Variants in AGFG2 observed in about 807,000 individuals in gnomAD.
AGFG2 encodes arf-GAP domain and FG repeat-containing protein 2.
In AGFG2, 31 loss-of-function variants were observed where a neutral mutation model predicts 48.0. The observed-to-expected ratio is 0.65, with a 90% confidence interval of 0.49 to 0.87. The LOEUF (loss-of-function observed/expected upper bound fraction) is 0.87, where lower values mean the gene tolerates loss of function less well. Ranked by LOEUF, AGFG2 falls within the 40% of genes least tolerant of loss-of-function variation. The pLI is 0.00. For missense variants in AGFG2, 599 were observed against 632.6 expected (o/e 0.95, Z 0.57); for synonymous variants, 229 against 260.8 (o/e 0.88, Z 1.18).
At chr7:100,560,930 G>A (rs1800856869) in intron 6 of AGFG2, among the ~76,000 whole-genome samples, 1 of 147,822 alleles carries the variant, frequency 6.8e-6, no homozygotes, top group South Asian at 2.1e-4. Context: ...TCCTGCCTCA[G>A]CCTCCTGAGT....
At chr7:100,551,756 G>A (rs1409615886) in intron 3 of AGFG2, among the ~76,000 whole-genome samples, 1 of 150,590 alleles carries the variant, frequency 6.6e-6, no homozygotes, top group African/African-American at 2.4e-5. Flanking sequence ...GTGTGGGGGT[G>A]GACACTTGTA....
Position 100,548,905 on chromosome 7 carries a change from G to T in AGFG2, c.305G>T (p.Arg102Leu). Reference protein sequence around the residue: ...TEPEVVFLQSRGNEVCRKIWL... With the variant: ...TEPEVVFLQSLGNEVCRKIWL... ...CCTGAAGTAGTATTCCTGCAATCCCGTGGAAATGAGGTGAGCTGCCACCGA... is the reference window on the plus strand; with the variant it reads ...CCTGAAGTAGTATTCCTGCAATCCCTTGGAAATGAGGTGAGCTGCCACCGA... Residue 102 changes from arginine (R) to leucine (L), a missense_variant, in exon 2 of 12, where the codon CGT becomes CTT. Transcript: ENST00000300176. 1 of 1,613,304 alleles carries T rather than the reference G, an allele frequency of 6.2e-7. No individual in the cohort carries two copies. The highest frequency in any genetic ancestry group is 8.5e-7 in the Non-Finnish European group (1 of 1,179,470).
intron 11 of AGFG2, 105 bp downstream of exon 11, chr7:100,564,408 G>A (rs946205175): frequency 1.2e-5 from 15 of 1,213,132 alleles, no homozygotes; most frequent in Non-Finnish European, 1.4e-5. Flanking sequence ...CCCCTTCCTC[G>A]TGAAGGTCTG....
chr7:100,564,389 G>A (rs937643564), intron 11 of AGFG2, 86 bp downstream of exon 11: 1 of 1,352,122 alleles, frequency 7.4e-7, no homozygotes, highest in East Asian at 2.5e-5. Context: ...ATGTGAGGTG[G>A]CCCCTGTGCC....
chr7:100,554,679 T>TG (rs2131114594), intron 5 of AGFG2, among the ~76,000 whole-genome samples: 1 of 152,172 alleles, frequency 6.6e-6, no homozygotes, highest in South Asian at 2.1e-4. Context: ...CTCACACCTG[T>TG]AATCCTAGCA....
At chr7:100,551,030 T>TATATATA (rs1554345049) in intron 3 of AGFG2, among the ~76,000 whole-genome samples, 1 of 56,036 alleles carries the variant, frequency 1.8e-5, no homozygotes, top group African/African-American at 9.3e-5. Context: ...CCTGGCTAAT[T>TATATATA]TATATATATA....
At chr7:100,549,575 A>G (rs1584382939) in intron 2 of AGFG2, among the ~76,000 whole-genome samples, 1 of 152,220 alleles carries the variant, frequency 6.6e-6, no homozygotes, top group East Asian at 1.9e-4. Flanking sequence ...TTTATCTAAG[A>G]TATGACTGCC....
Position 100,539,499 on chromosome 7 carries a change from C to A in AGFG2, c.153C>A (p.Ala51=). The A allele has an allele frequency of 7.6e-7, 1 of 1,316,000 alleles. No individual in the cohort carries two copies. The highest frequency in any genetic ancestry group is 3.9e-5 in the Admixed American group (1 of 25,846). 81.5% of individuals were successfully genotyped at this position (1,316,000 alleles called of 1,614,324 possible). ...QAGNRHCFEC[A]QRGVTYVDIT... is the part of the protein sequence containing the mutation. ...GGAACCGCCACTGCTTCGAGTGCGC[C>A]CAGCGCGGGGTCACCTACGTGGATA... is the stretch of plus-strand genomic sequence containing the variant. Residue 51 remains alanine (A), a synonymous_variant, in exon 1 of 12, where the codon GCC becomes GCA. Transcript: ENST00000300176.
At chr7:100,552,107 A>G (rs1297116778) in intron 3 of AGFG2, among the ~76,000 whole-genome samples, 4 of 150,546 alleles carry the variant, frequency 2.7e-5, no homozygotes, top group Admixed American at 1.3e-4. Context: ...TTAGCCAGGC[A>G]TGGTCATGGG....
intron 9 of AGFG2, among the ~76,000 whole-genome samples, chr7:100,563,247 C>T (rs961564806): frequency 7.9e-5 from 12 of 152,214 alleles, no homozygotes; most frequent in Non-Finnish European, 1.8e-4. Flanking sequence ...GGGCACCCAG[C>T]CCCAGTCCCT....
At chr7:100,552,760 G>C (rs1203995420) in intron 3 of AGFG2, among the ~76,000 whole-genome samples, 1 of 152,222 alleles carries the variant, frequency 6.6e-6, no homozygotes, top group East Asian at 1.9e-4. Flanking sequence ...TGGCAGGATG[G>C]AAGTGTGGAT....
At chr7:100,552,960 G>A (rs1370727076) in intron 3 of AGFG2, among the ~76,000 whole-genome samples, 2 of 152,126 alleles carry the variant, frequency 1.3e-5, no homozygotes, top group Non-Finnish European at 1.5e-5. Context: ...ACCACCCTGG[G>A]CAACATAGTG....
chr7:100,539,410 G>T lies in AGFG2; in HGVS notation c.64G>T (p.Ala22Ser), dbSNP rs778861072. 7.6e-7 allele frequency: 1 copy of T among 1,317,846 alleles called. No individual in the cohort carries two copies. Among genetic ancestry groups the T allele is most frequent in the South Asian group, 2.1e-5 (1 of 48,352 alleles). The allele number at this position is 1,317,846 out of a possible 1,614,324, so 81.6% of individuals were successfully genotyped here. The part of the protein sequence containing the change: ...GGGVSGGKAE[A>S]EAASEVWCRR... ...CGGGGTCAGCGGGGGCAAGGCGGAGGCGGAGGCGGCCTCGGAGGTGTGGTG... is the reference window on the plus strand; with the variant it reads ...CGGGGTCAGCGGGGGCAAGGCGGAGTCGGAGGCGGCCTCGGAGGTGTGGTG... Residue 22 changes from alanine (A) to serine (S), a missense_variant, in exon 1 of 12, where the codon GCG becomes TCG. Physicochemically the swap from Ala to Ser is moderately conservative, Grantham distance 99. Coordinates refer to ENST00000300176, the MANE Select transcript of AGFG2 (RefSeq NM_006076.5).
At chr7:100,540,711 G>GT (rs1800406715) in intron 1 of AGFG2, among the ~76,000 whole-genome samples, 1 of 151,640 alleles carries the variant, frequency 6.6e-6, no homozygotes, top group Non-Finnish European at 1.5e-5. Flanking sequence ...TTTTTGTTTT[G>GT]TTTTTTAAAA....
At chr7:100,549,752 G>A (rs903263337) in intron 2 of AGFG2, among the ~76,000 whole-genome samples, 1 of 152,012 alleles carries the variant, frequency 6.6e-6, no homozygotes, top group Non-Finnish European at 1.5e-5. Context: ...GAGCTTAATG[G>A]TGCAATCTTG....
chr7:100,543,898 T>C (rs945240041), intron 1 of AGFG2, among the ~76,000 whole-genome samples: 4 of 152,246 alleles, frequency 2.6e-5, no homozygotes, highest in African/African-American at 4.8e-5. Context: ...CTAATTTCCT[T>C]AACCTAGATG....
At position 100,565,010 on chromosome 7, in the gene AGFG2, C is replaced by G. The variant is rs1229008748; in HGVS notation, c.*19C>G. ...CTTGTAGCACTGTGTTTTTGGGGGG[C>G]CTCTTCCCTGCCTTCTGGGGCCCCT... On this transcript the variant is annotated 3_prime_UTR_variant, in exon 12 of 12. Transcript: ENST00000300176. 1 of 1,613,584 alleles carries G rather than the reference C, an allele frequency of 6.2e-7. No individual in the cohort carries two copies. The highest frequency in any genetic ancestry group is 1.3e-5 in the African/African-American group (1 of 74,904).
rs200893252 is a variant in AGFG2 at position 100,563,811 on chromosome 7, G to T, written c.1172-23G>T. The T allele has an allele frequency of 3.2e-5, 52 of 1,609,760 alleles. No homozygotes were observed. In the African/African-American group the frequency reaches 5.9e-4, roughly 18 times the overall value. ...GCCCACCTTCCAGAAGTTCACCTGA[G>T]CCTCCCGTCTTTCACTCCATAGGGC... On this transcript the variant is annotated intron_variant, in intron 9 of 11. Transcript: ENST00000300176.
Position 100,539,522 on chromosome 7 carries a change from A to C in AGFG2, c.176A>C (p.Asp59Ala). ...GCCCAGCGCGGGGTCACCTACGTGG[A>C]TATCACCGTGGGCAGCTTCGTGTGC... ...ECAQRGVTYV[D>A]ITVGSFVCTT... The change falls in exon 1 of 12, where the codon GAT becomes GCT. Residue 59 changes from aspartate to alanine, a missense_variant. Physicochemically the swap from Asp to Ala is moderately radical, Grantham distance 126. Transcript: ENST00000300176. 1 of 1,297,174 alleles carries C rather than the reference A, an allele frequency of 7.7e-7. No individual in the cohort carries two copies. The highest frequency in any genetic ancestry group is 9.9e-7 in the Non-Finnish European group (1 of 1,014,952). The allele number at this position is 1,297,174 out of a possible 1,614,324, so 80.4% of individuals were successfully genotyped here.
Sources: gnomAD v4.1 joint callset for allele counts (sites outside exome capture counted in the v4.1 genomes callset) on GRCh38, gnomAD v4.1.1 for gene constraint, MANE v1.5 for transcripts, NCBI Gene and HGNC (gene_info 2026-07-23, HGNC 2026-07-21) for gene names.